SLC24A2: variants seen among roughly 807,000 people sequenced by gnomAD.
SLC24A2 encodes the protein solute carrier family 24 member 2, also known as sodium/potassium/calcium exchanger 2.
SLC24A2 carries 36 observed loss-of-function variants against 62.0 expected under a neutral mutation model. That is an observed-to-expected ratio of 0.58 (90% CI 0.44 to 0.77). SLC24A2 has a LOEUF of 0.77. Among genes scored for constraint, SLC24A2 ranks in the 30% least tolerant of loss-of-function variants. The probability of loss-of-function intolerance (pLI) is 0.00; values close to 1 mark genes in which losing one functional copy is unlikely to be tolerated. For synonymous variants in SLC24A2, 358 were observed against 294.0 expected (o/e 1.22, Z -2.23); for missense variants, 846 against 817.9 (o/e 1.03, Z -0.42).
At chr9:20,007,378 G>C in the SLC24A2 span, among the ~76,000 whole-genome samples, 1 of 152,094 alleles carries the variant, frequency 6.6e-6, no homozygotes, top group Admixed American at 6.5e-5. Context: ...TGATTAACTG[G>C]TAATGTCTGC....
At chr9:19,846,205 T>G in the SLC24A2 span, among the ~76,000 whole-genome samples, 64 of 152,324 alleles carry the variant, frequency 4.2e-4, no homozygotes, top group Non-Finnish European at 6.9e-4. Flanking sequence ...AAGTCACCCA[T>G]TATTATTGTG....
intron 2 of SLC24A2, among the ~76,000 whole-genome samples, chr9:19,645,955 T>A (rs1818627951): frequency 6.6e-6 from 1 of 152,230 alleles, no homozygotes; most frequent in African/African-American, 2.4e-5. Context: ...TGCGTCTTCC[T>A]ACCTGTGTGA....
chr9:20,263,807 G>T, the SLC24A2 span, among the ~76,000 whole-genome samples: 1 of 148,678 alleles, frequency 6.7e-6, no homozygotes, highest in Non-Finnish European at 1.5e-5. Context: ...TTCCATTGTT[G>T]CAGGAAGTAA....
the SLC24A2 span, among the ~76,000 whole-genome samples, chr9:19,935,033 T>TTTTA: frequency 1.3e-5 from 2 of 150,140 alleles, no homozygotes; most frequent in Non-Finnish European, 2.9e-5. Flanking sequence ...CTTATTTTTA[T>TTTTA]TTTATTTATT....
At position 19,516,396 on chromosome 9, in the gene SLC24A2, T is replaced by G. The variant is rs1327207344; in HGVS notation, c.1743A>C (p.Pro581=). The G allele has an allele frequency of 8.7e-6, 14 of 1,613,662 alleles. No individual in the cohort carries two copies. The highest frequency in any genetic ancestry group is 1.1e-5 in the Non-Finnish European group (13 of 1,179,950). The change falls in exon 11 of 11, where the codon CCA becomes CCC. Residue 581 remains proline, a synonymous_variant. Coordinates refer to ENST00000341998, the MANE Select transcript of SLC24A2 (RefSeq NM_020344.4). The part of the protein sequence containing the change: ...SNIFDITVGL[P]LPWLLYTVIH... The stretch of plus-strand genomic sequence containing the variant: ...TGACGGTGTACAGGAGCCAGGGCAG[T>G]GGGAGCCTGTGCAGAAGTGAAGCAG...
the SLC24A2 span, among the ~76,000 whole-genome samples, chr9:19,878,128 C>CT: frequency 1.3e-5 from 2 of 151,304 alleles, no homozygotes; most frequent in Admixed American, 1.3e-4. Flanking sequence ...ACTGCTCTTA[C>CT]TTTTTTTTTG....
chr9:20,287,353 C>T, the SLC24A2 span, among the ~76,000 whole-genome samples: 15 of 152,220 alleles, frequency 9.9e-5, no homozygotes, highest in East Asian at 1.2e-3. Flanking sequence ...TGGGAGGCTG[C>T]GGGAGGGTCA....
chr9:20,224,264 T>C, the SLC24A2 span, among the ~76,000 whole-genome samples: 1 of 151,960 alleles, frequency 6.6e-6, no homozygotes. Context: ...TAAGGTAGAA[T>C]GTCTTTATGT....
At chr9:19,805,849 A>G in the SLC24A2 span, among the ~76,000 whole-genome samples, 1 of 151,466 alleles carries the variant, frequency 6.6e-6, no homozygotes, top group East Asian at 1.9e-4. Flanking sequence ...AAAAAAAAAA[A>G]GCAAACTTAC....
chr9:20,231,083 A>T, the SLC24A2 span, among the ~76,000 whole-genome samples: 1 of 152,014 alleles, frequency 6.6e-6, no homozygotes, highest in Non-Finnish European at 1.5e-5. Flanking sequence ...GTTCTGTTCC[A>T]TTGGTCTATA....
chr9:19,530,938 T>A (rs1007920855), intron 8 of SLC24A2, among the ~76,000 whole-genome samples: 2 of 152,292 alleles, frequency 1.3e-5, no homozygotes, highest in East Asian at 3.9e-4. Flanking sequence ...TAGATTATAC[T>A]GACTCTTTCC....
At chr9:20,083,767 G>C in the SLC24A2 span, among the ~76,000 whole-genome samples, 1 of 152,150 alleles carries the variant, frequency 6.6e-6, no homozygotes, top group Non-Finnish European at 1.5e-5. Context: ...TCATTTAGAA[G>C]CCTCTCTGCC....
chr9:20,027,808 C>G, the SLC24A2 span, among the ~76,000 whole-genome samples: 1 of 152,132 alleles, frequency 6.6e-6, no homozygotes, highest in Non-Finnish European at 1.5e-5. Flanking sequence ...GAAATGATAA[C>G]TATGTGAGGT....
the SLC24A2 span, among the ~76,000 whole-genome samples, chr9:19,841,661 G>A: frequency 2.0e-5 from 3 of 152,210 alleles, no homozygotes; most frequent in Non-Finnish European, 4.4e-5. Flanking sequence ...GCTTTGTCAA[G>A]TGAGGACACT....
chr9:20,118,474 C>G, the SLC24A2 span, among the ~76,000 whole-genome samples: 4 of 151,962 alleles, frequency 2.6e-5, no homozygotes, highest in East Asian at 7.7e-4. Flanking sequence ...GAGAGATAAC[C>G]AACAAGTTTT....
At chr9:19,566,697 C>G (rs974216838) in intron 7 of SLC24A2, among the ~76,000 whole-genome samples, 3 of 152,164 alleles carry the variant, frequency 2.0e-5, no homozygotes, top group African/African-American at 7.2e-5. Flanking sequence ...ATAGCAAAGA[C>G]TTGAAACCAA....
At chr9:19,991,780 T>C in the SLC24A2 span, among the ~76,000 whole-genome samples, 1 of 152,110 alleles carries the variant, frequency 6.6e-6, no homozygotes, top group Non-Finnish European at 1.5e-5. Context: ...TTTCGGAAAA[T>C]AAGTCAGTGG....
chr9:20,072,539 CT>C, the SLC24A2 span, among the ~76,000 whole-genome samples: 1 of 151,730 alleles, frequency 6.6e-6, no homozygotes, highest in Admixed American at 6.6e-5. Flanking sequence ...ATATTGTGAT[CT>C]GTATATAACA....
At chr9:20,190,654 T>C in the SLC24A2 span, among the ~76,000 whole-genome samples, 1 of 152,178 alleles carries the variant, frequency 6.6e-6, no homozygotes, top group Non-Finnish European at 1.5e-5. Context: ...AAATCAAGAA[T>C]TTGAACCTGG....
Sources: gnomAD v4.1 joint callset for allele counts (sites outside exome capture counted in the v4.1 genomes callset) on GRCh38, gnomAD v4.1.1 for gene constraint, MANE v1.5 for transcripts, NCBI Gene and HGNC (gene_info 2026-07-23, HGNC 2026-07-21) for gene names.